The following HSD17B12 variants were observed in gnomAD, a reference collection of about 807,000 sequenced individuals.
HSD17B12 encodes hydroxysteroid 17-beta dehydrogenase 12.
In HSD17B12, 32 loss-of-function variants were observed where a neutral mutation model predicts 39.3. The observed-to-expected ratio is 0.81, with a 90% CI of 0.61 to 1.09. The LOEUF (loss-of-function observed/expected upper bound fraction) is 1.09. Among genes scored for constraint, HSD17B12 ranks in the 50% least tolerant of loss-of-function variants. The pLI is 0.00. For synonymous variants in HSD17B12, 150 were observed against 146.7 expected, an observed-to-expected ratio of 1.02 and a Z score of -0.16; for missense variants, 342 against 382.9, an observed-to-expected ratio of 0.89 and a Z score of 0.89.
chr11:43,647,555 A>G, the HSD17B12 span, among the ~76,000 whole-genome samples: 3 of 151,160 alleles, frequency 2.0e-5, no homozygotes, highest in Non-Finnish European at 4.4e-5. Context: ...TACAGGCATG[A>G]GCCACCACAC....
At chr11:43,816,840 C>T (rs1278257642) in intron 6 of HSD17B12, among the ~76,000 whole-genome samples, 3 of 151,872 alleles carry the variant, frequency 2.0e-5, no homozygotes, top group Admixed American at 6.6e-5. Flanking sequence ...TAGCTTAGTT[C>T]CCACTTATAA....
chr11:43,568,192 T>C, the HSD17B12 span, among the ~76,000 whole-genome samples: 1 of 152,108 alleles, frequency 6.6e-6, no homozygotes, highest in Non-Finnish European at 1.5e-5. Flanking sequence ...CTCCACCTCC[T>C]GGTTTCAAGC....
the HSD17B12 span, among the ~76,000 whole-genome samples, chr11:43,660,690 G>GT: frequency 3.9e-5 from 6 of 152,114 alleles, no homozygotes; most frequent in Non-Finnish European, 1.5e-5. Flanking sequence ...TTTACCCAAA[G>GT]GAAATTAAGC....
intron 3 of HSD17B12, among the ~76,000 whole-genome samples, chr11:43,791,633 G>A (rs1445483368): frequency 2.0e-5 from 3 of 152,078 alleles, no homozygotes; most frequent in Non-Finnish European, 4.4e-5. Flanking sequence ...TTTACCAAGT[G>A]CAGAAAAATC....
intron 1 of HSD17B12, among the ~76,000 whole-genome samples, chr11:43,716,503 T>C (rs982771516): frequency 2.0e-5 from 3 of 151,990 alleles, no homozygotes; most frequent in African/African-American, 7.3e-5. Flanking sequence ...TTAACCCCAT[T>C]CTACCGACAA....
chr11:43,704,318 G>C (rs545070569), intron 1 of HSD17B12, among the ~76,000 whole-genome samples: 1 of 152,328 alleles, frequency 6.6e-6, no homozygotes, highest in African/African-American at 2.4e-5. Flanking sequence ...TCTCAGGGTA[G>C]TTGATGGATT....
intron 1 of HSD17B12, among the ~76,000 whole-genome samples, chr11:43,746,171 A>G (rs1950410959): frequency 6.6e-6 from 1 of 152,166 alleles, no homozygotes; most frequent in Admixed American, 6.5e-5. Context: ...AACGTTTAAT[A>G]CTTGGGCTAT....
At chr11:43,718,849 C>G in intron 1 of HSD17B12, 1 of 869,908 alleles carries the variant, frequency 1.1e-6, no homozygotes, top group South Asian at 1.3e-5. Flanking sequence ...GGAAGCAGCC[C>G]AAATATCCTC....
intron 1 of HSD17B12, among the ~76,000 whole-genome samples, chr11:43,705,276 C>T (rs554081085): frequency 2.6e-5 from 4 of 152,180 alleles, no homozygotes; most frequent in Non-Finnish European, 5.9e-5. Flanking sequence ...CAGGTTTATA[C>T]TTTATAAAAC....
chr11:43,700,053 C>T (rs1015862086), intron 1 of HSD17B12, among the ~76,000 whole-genome samples: 5 of 152,068 alleles, frequency 3.3e-5, no homozygotes, highest in Non-Finnish European at 5.9e-5. Flanking sequence ...ATCTGAGGGG[C>T]TGGGAAGTTT....
chr11:43,772,395 G>GT (rs949917695), intron 3 of HSD17B12, among the ~76,000 whole-genome samples: 86 of 151,964 alleles, frequency 5.7e-4, no homozygotes, highest in African/African-American at 2.0e-3. Flanking sequence ...AAATTTTGGG[G>GT]TTTTTTTTGG....
the HSD17B12 span, among the ~76,000 whole-genome samples, chr11:43,662,355 C>T: frequency 1.3e-5 from 2 of 150,064 alleles, no homozygotes; most frequent in Admixed American, 6.7e-5. Context: ...TCTGCCACAA[C>T]TCCCTGCTAA....
chr11:43,685,365 A>G (rs1001872402), intron 1 of HSD17B12, among the ~76,000 whole-genome samples: 21 of 152,376 alleles, frequency 1.4e-4, no homozygotes, highest in African/African-American at 5.0e-4. Context: ...TTAACCTCAA[A>G]TGACTGAAGA....
At chr11:43,797,146 C>A (rs1463365236) in intron 3 of HSD17B12, among the ~76,000 whole-genome samples, 1 of 152,184 alleles carries the variant, frequency 6.6e-6, no homozygotes, top group Non-Finnish European at 1.5e-5. Flanking sequence ...CTCTCATGAA[C>A]CAACTCTTTA....
At chr11:43,838,567 A>G (rs1316917523) in intron 8 of HSD17B12, among the ~76,000 whole-genome samples, 169 bp downstream of exon 8, 2 of 152,150 alleles carry the variant, frequency 1.3e-5, no homozygotes, top group Non-Finnish European at 2.9e-5. Flanking sequence ...CCAGAGTTGG[A>G]GACATACTAT....
At chr11:43,736,319 T>G (rs1209393741) in intron 1 of HSD17B12, among the ~76,000 whole-genome samples, 13 of 152,122 alleles carry the variant, frequency 8.5e-5, no homozygotes, top group Non-Finnish European at 1.5e-5. Flanking sequence ...GTTCTGGACC[T>G]ATAGATGCTT....
chr11:43,843,310 G>C (rs1378960588), intron 9 of HSD17B12, among the ~76,000 whole-genome samples: 1 of 152,132 alleles, frequency 6.6e-6, no homozygotes, highest in Non-Finnish European at 1.5e-5. Context: ...AAAAATGATT[G>C]GTTTTTCTTT....
intron 3 of HSD17B12, among the ~76,000 whole-genome samples, chr11:43,772,356 A>G (rs935643268): frequency 2.0e-5 from 3 of 152,206 alleles, no homozygotes; most frequent in African/African-American, 7.2e-5. Flanking sequence ...GTTGGTGTGT[A>G]CTAACTATCT....
At chr11:43,724,987 A>G (rs1950208446) in intron 1 of HSD17B12, among the ~76,000 whole-genome samples, 2 of 152,226 alleles carry the variant, frequency 1.3e-5, no homozygotes, top group African/African-American at 4.8e-5. Flanking sequence ...TATCTCTGTA[A>G]CAAATATTTA....
Sources: allele counts gnomAD v4.1 joint callset (sites outside exome capture counted in the v4.1 genomes callset), GRCh38; gene constraint gnomAD v4.1.1; transcripts MANE v1.5; gene names NCBI Gene and HGNC (gene_info 2026-07-23, HGNC 2026-07-21).